Variants in GRIN2A observed in about 807,000 individuals in gnomAD.
The protein encoded by GRIN2A is glutamate receptor ionotropic, NMDA 2A.
In GRIN2A, 22 loss-of-function variants were observed where a neutral mutation model predicts 113.4. The ratio of observed to expected loss-of-function variants is 0.19; its 90% CI spans 0.14 to 0.28. The LOEUF (loss-of-function observed/expected upper bound fraction) is 0.28. Among genes scored for constraint, GRIN2A ranks in the 10% least tolerant of loss-of-function variants. The probability of loss-of-function intolerance (pLI) is 1.00; values close to 1 mark genes in which losing one functional copy is unlikely to be tolerated. For synonymous variants in GRIN2A, 827 were observed against 738.4 expected, an observed-to-expected ratio of 1.12 and a Z score of -1.94; for missense variants, 1,502 against 1,887.0, an observed-to-expected ratio of 0.80 and a Z score of 3.78.
At chr16:9,837,559 T>TTG (rs1307216583) in intron 7 of GRIN2A, among the ~76,000 whole-genome samples, 2 of 152,144 alleles carry the variant, frequency 1.3e-5, no homozygotes, top group Non-Finnish European at 2.9e-5. Flanking sequence ...CAAGACTTTT[T>TTG]TGTGTGAAAA....
At chr16:9,922,881 T>A (rs1436759318) in intron 3 of GRIN2A, among the ~76,000 whole-genome samples, 2 of 152,218 alleles carry the variant, frequency 1.3e-5, no homozygotes, top group Admixed American at 1.3e-4. Context: ...CTTTTAAATA[T>A]ACTAAAACTT....
At chr16:10,060,531 CAA>C (rs1405012444) in intron 2 of GRIN2A, among the ~76,000 whole-genome samples, 1 of 152,168 alleles carries the variant, frequency 6.6e-6, no homozygotes. Flanking sequence ...CATTGTTCTT[CAA>C]AGAGGATTAT....
intron 2 of GRIN2A, among the ~76,000 whole-genome samples, chr16:10,038,838 A>C (rs1484788744): frequency 3.6e-5 from 5 of 140,152 alleles, no homozygotes; most frequent in Admixed American, 1.5e-4. Context: ...ACAGAATGAG[A>C]CTCCTTCTCA....
chr16:9,932,746 C>T lies in GRIN2A; in HGVS notation c.1007+5213G>A, dbSNP rs138434669. Reference sequence around the variant, plus strand: ...ACCATTTACAGACTGCTTTTCCATACGCCACACACTGGTCTAAGATGCAAA... The same window carrying T: ...ACCATTTACAGACTGCTTTTCCATATGCCACACACTGGTCTAAGATGCAAA... On this transcript the variant is annotated intron_variant, in intron 3 of 12. Coordinates refer to ENST00000330684, the MANE Select transcript of GRIN2A (RefSeq NM_001134407.3). Among the ~76,000 whole-genome samples, 564 of 152,246 alleles carry T rather than the reference C, an allele frequency of 3.7e-3. 5 individuals are homozygous for T. The highest frequency in any genetic ancestry group is 0.012 in the African/African-American group (517 of 41,548).
chr16:10,109,789 C>T (rs1251220453), intron 2 of GRIN2A, among the ~76,000 whole-genome samples: 1 of 151,890 alleles, frequency 6.6e-6, no homozygotes, highest in Middle Eastern at 3.2e-3. Flanking sequence ...GGATGGAGAC[C>T]TCATTTTCCA....
chr16:9,906,444 A>C (rs957418157), intron 3 of GRIN2A, among the ~76,000 whole-genome samples: 1 of 152,230 alleles, frequency 6.6e-6, no homozygotes, highest in African/African-American at 2.4e-5. Flanking sequence ...TCCTGATAAT[A>C]GATCTTCCCC....
chr16:9,932,805 G>A (rs1003042163), intron 3 of GRIN2A, among the ~76,000 whole-genome samples: 3 of 152,172 alleles, frequency 2.0e-5, no homozygotes, highest in Non-Finnish European at 2.9e-5. Context: ...ACCTGAGGGA[G>A]CCGACGTGGA....
chr16:9,935,698 T>C (rs796921918), intron 3 of GRIN2A, among the ~76,000 whole-genome samples: 3 of 152,098 alleles, frequency 2.0e-5, no homozygotes, highest in African/African-American at 7.2e-5. Flanking sequence ...TTCCCTTTTA[T>C]TATTATTATT....
chr16:10,119,224 G>T (rs983745411), intron 2 of GRIN2A, among the ~76,000 whole-genome samples: 2 of 152,228 alleles, frequency 1.3e-5, no homozygotes, highest in Non-Finnish European at 2.9e-5. Context: ...AATTCAGTAG[G>T]AGGAGGAAGA....
chr16:9,914,335 C>T (rs1596579151), intron 3 of GRIN2A, among the ~76,000 whole-genome samples: 1 of 152,202 alleles, frequency 6.6e-6, no homozygotes, highest in Admixed American at 6.5e-5. Flanking sequence ...CAGACCTAAA[C>T]CAGCCTAGCA....
chr16:10,040,463 G>A (rs2047141238), intron 2 of GRIN2A, among the ~76,000 whole-genome samples: 2 of 143,186 alleles, frequency 1.4e-5, no homozygotes, highest in Admixed American at 6.9e-5. Flanking sequence ...ATAAATCCAC[G>A]CCACACACAA....
At chr16:10,143,864 G>T (rs2049377895) in intron 2 of GRIN2A, among the ~76,000 whole-genome samples, 1 of 152,150 alleles carries the variant, frequency 6.6e-6, no homozygotes, top group Non-Finnish European at 1.5e-5. Context: ...TACTAGGGAG[G>T]CTGAGGCAGG....
intron 2 of GRIN2A, among the ~76,000 whole-genome samples, chr16:10,134,477 G>C (rs762241667): frequency 6.6e-6 from 1 of 151,586 alleles, no homozygotes; most frequent in Non-Finnish European, 1.5e-5. Context: ...GGGCCTGTCA[G>C]GGGGTAGGGG....
chr16:10,109,653 G>A lies in GRIN2A; in HGVS notation c.414+70345C>T, dbSNP rs958642291. On this transcript the variant is annotated intron_variant, in intron 2 of 12. Transcript: ENST00000330684. Reference sequence around the variant, plus strand: ...ATTACAAAAAAAAAAAAAATAGGAAGAATGAATAAGACCTACCATTTAATA... The same window carrying A: ...ATTACAAAAAAAAAAAAAATAGGAAAAATGAATAAGACCTACCATTTAATA... Among the ~76,000 whole-genome samples, 15 of 149,808 alleles carry A rather than the reference G, an allele frequency of 1.0e-4. 1 individual carries two copies. Among genetic ancestry groups the A allele is most frequent in the Admixed American group, 3.3e-4 (5 of 15,062 alleles).
In GRIN2A at chr16:10,082,663, T is replaced by C. The variant is rs2048006908; in HGVS notation, c.414+97335A>G. Among the ~76,000 whole-genome samples the C allele has an allele frequency of 2.0e-5, 3 of 152,168 alleles. No homozygotes were observed. In the South Asian group the frequency reaches 6.2e-4, roughly 31 times the overall value. On this transcript the variant is annotated intron_variant, in intron 2 of 12. Coordinates refer to ENST00000330684, the MANE Select transcript of GRIN2A (RefSeq NM_001134407.3). Reference sequence around the variant, plus strand: ...CAGCAGAGCCCTCCTCCACTCTCCATCACTGGTTTTGAAGAAGGAGGCCTC... The same window carrying C: ...CAGCAGAGCCCTCCTCCACTCTCCACCACTGGTTTTGAAGAAGGAGGCCTC...
chr16:10,149,515 A>G (rs959813802), intron 2 of GRIN2A, among the ~76,000 whole-genome samples: 1 of 152,250 alleles, frequency 6.6e-6, no homozygotes, highest in Non-Finnish European at 1.5e-5. Flanking sequence ...AGTTGATTAA[A>G]TAAAAGCCCT....
chr16:9,986,764 CAAAAAAAAAAA>C (rs3065539), intron 2 of GRIN2A, among the ~76,000 whole-genome samples: 2 of 112,054 alleles, frequency 1.8e-5, no homozygotes, highest in Admixed American at 1.9e-4. Context: ...GACGCTGTCT[CAAAAAAAAAAA>C]AAAAAAAAAG....
intron 3 of GRIN2A, among the ~76,000 whole-genome samples, chr16:9,933,102 G>C (rs918113678): frequency 2.0e-5 from 3 of 152,226 alleles, no homozygotes; most frequent in African/African-American, 7.2e-5. Flanking sequence ...TAGCAAGGAG[G>C]TTATATAACA....
At chr16:9,857,697 G>A (rs1054707960) in intron 4 of GRIN2A, among the ~76,000 whole-genome samples, 3 of 152,172 alleles carry the variant, frequency 2.0e-5, no homozygotes, top group Middle Eastern at 3.2e-3. Context: ...GGATTGCTGA[G>A]AGGACTAAAT....
Sources: gnomAD v4.1 joint callset for allele counts (sites outside exome capture counted in the v4.1 genomes callset) on GRCh38, gnomAD v4.1.1 for gene constraint, MANE v1.5 for transcripts, NCBI Gene and HGNC (gene_info 2026-07-23, HGNC 2026-07-21) for gene names.